The following GALNT13 variants were observed in gnomAD, a reference collection of about 807,000 sequenced individuals.
GALNT13 encodes polypeptide N-acetylgalactosaminyltransferase 13, also known as UDP-GalNAc:polypeptide N-acetylgalactosaminyltransferase 13.
GALNT13 carries 28 observed loss-of-function variants against 64.2 expected under a neutral mutation model. The observed-to-expected ratio is 0.44, with a 90% confidence interval of 0.32 to 0.60. The LOEUF (loss-of-function observed/expected upper bound fraction) is 0.60, where lower values mean the gene tolerates loss of function less well. Among genes scored for constraint, GALNT13 ranks in the 20% least tolerant of loss-of-function variants. The pLI is 0.05. For missense variants in GALNT13, 577 were observed against 669.8 expected, an observed-to-expected ratio of 0.86 and a Z score of 1.53; for synonymous variants, 214 against 224.6, an observed-to-expected ratio of 0.95 and a Z score of 0.42.
the GALNT13 span, among the ~76,000 whole-genome samples, chr2:153,072,247 T>C: frequency 6.6e-6 from 1 of 152,130 alleles, no homozygotes; most frequent in Non-Finnish European, 1.5e-5. Context: ...CCAAAATAAC[T>C]CTTACCTACC....
chr2:153,519,947 A>C, the GALNT13 span, among the ~76,000 whole-genome samples: 1 of 152,128 alleles, frequency 6.6e-6, no homozygotes, highest in Non-Finnish European at 1.5e-5. Flanking sequence ...TGGCCTGAAG[A>C]TCTTCGTTTT....
At chr2:153,839,198 A>G in the GALNT13 span, among the ~76,000 whole-genome samples, 1 of 151,904 alleles carries the variant, frequency 6.6e-6, no homozygotes. Flanking sequence ...TATAAAAATC[A>G]TGTCATGAGC....
chr2:153,995,359 A>G (rs1695452098), intron 3 of GALNT13, among the ~76,000 whole-genome samples: 1 of 152,166 alleles, frequency 6.6e-6, no homozygotes, highest in Non-Finnish European at 1.5e-5. Context: ...GTGCTGTGTT[A>G]TACATAAAAA....
the GALNT13 span, among the ~76,000 whole-genome samples, chr2:153,237,020 CT>C: frequency 2.0e-5 from 3 of 151,976 alleles, no homozygotes; most frequent in Admixed American, 6.6e-5. Flanking sequence ...TCATTGAAAA[CT>C]TCAGGAGTTT....
chr2:154,400,660 A>G (rs1164644996), intron 10 of GALNT13, among the ~76,000 whole-genome samples: 1 of 152,208 alleles, frequency 6.6e-6, no homozygotes, highest in African/African-American at 2.4e-5. Context: ...TGCAGTTTCC[A>G]ATGGGAAGTT....
the GALNT13 span, among the ~76,000 whole-genome samples, chr2:153,245,726 C>T: frequency 6.6e-6 from 1 of 151,660 alleles, no homozygotes; most frequent in Non-Finnish European, 1.5e-5. Flanking sequence ...TTCCAAAAAC[C>T]AGAATGCCTC....
the GALNT13 span, among the ~76,000 whole-genome samples, chr2:153,251,461 CT>C: frequency 5.3e-5 from 8 of 151,224 alleles, no homozygotes; most frequent in South Asian, 2.1e-4. Context: ...AACAGGTACT[CT>C]TTTTTTTTAA....
chr2:153,726,939 C>CAAAAAAA, the GALNT13 span, among the ~76,000 whole-genome samples: 1 of 50,964 alleles, frequency 2.0e-5, no homozygotes, highest in Non-Finnish European at 4.3e-5. Context: ...GACTCCATCT[C>CAAAAAAA]AAAAAAAAAA....
At chr2:153,532,189 T>G in the GALNT13 span, among the ~76,000 whole-genome samples, 4 of 152,134 alleles carry the variant, frequency 2.6e-5, no homozygotes. Context: ...TGCATGGACA[T>G]CCAGGATTTT....
the GALNT13 span, among the ~76,000 whole-genome samples, chr2:153,612,418 C>G: frequency 2.0e-5 from 3 of 152,062 alleles, no homozygotes; most frequent in South Asian, 6.2e-4. Context: ...GCACTATTTA[C>G]AAGCAGTACA....
the GALNT13 span, among the ~76,000 whole-genome samples, chr2:153,440,460 A>G: frequency 6.6e-6 from 1 of 152,242 alleles, no homozygotes; most frequent in African/African-American, 2.4e-5. Flanking sequence ...CTTTGAGTAT[A>G]TACCCAGTAA....
chr2:153,906,954 G>A (rs1217985330), intron 2 of GALNT13, among the ~76,000 whole-genome samples: 18 of 151,738 alleles, frequency 1.2e-4, no homozygotes, highest in Admixed American at 2.0e-4. Context: ...GGTGTGAGAT[G>A]GTATCTCATT....
At chr2:153,403,445 G>C in the GALNT13 span, among the ~76,000 whole-genome samples, 1 of 152,150 alleles carries the variant, frequency 6.6e-6, no homozygotes, top group African/African-American at 2.4e-5. Context: ...TTGAGCTGTG[G>C]TGGGCTCCAC....
chr2:153,294,323 C>T, the GALNT13 span, among the ~76,000 whole-genome samples: 1 of 152,084 alleles, frequency 6.6e-6, no homozygotes, highest in Non-Finnish European at 1.5e-5. Context: ...CAGAGACTCA[C>T]CAACCAGCTG....
At chr2:153,843,232 GGCTTCTAGAAAGGCCTGA>G in the GALNT13 span, among the ~76,000 whole-genome samples, 1 of 152,148 alleles carries the variant, frequency 6.6e-6, no homozygotes, top group Non-Finnish European at 1.5e-5. Context: ...ACATATGCTG[GGCTTCTAGAAAGGCCTGA>G]GGAAGCTTAC....
At chr2:153,327,094 A>T in the GALNT13 span, among the ~76,000 whole-genome samples, 19 of 151,986 alleles carry the variant, frequency 1.3e-4, no homozygotes, top group African/African-American at 4.3e-4. Context: ...AAAAAATAAA[A>T]AAAAAAATAA....
the GALNT13 span, among the ~76,000 whole-genome samples, chr2:153,665,208 T>C: frequency 2.0e-5 from 3 of 152,196 alleles, no homozygotes; most frequent in South Asian, 2.1e-4. Flanking sequence ...CCTGAAGTGC[T>C]TCCTCTTATG....
intron 1 of GALNT13, among the ~76,000 whole-genome samples, chr2:153,874,696 C>G (rs548045952): frequency 1.3e-5 from 2 of 152,086 alleles, no homozygotes; most frequent in Non-Finnish European, 2.9e-5. Flanking sequence ...TCCACCTCCC[C>G]GCTCCTTTTT....
the GALNT13 span, among the ~76,000 whole-genome samples, chr2:153,242,768 C>T: frequency 6.6e-6 from 1 of 152,174 alleles, no homozygotes; most frequent in Non-Finnish European, 1.5e-5. Flanking sequence ...TTGATGCCCA[C>T]ATGGGAGAAC....
Sources: allele counts gnomAD v4.1 joint callset (sites outside exome capture counted in the v4.1 genomes callset), GRCh38; gene constraint gnomAD v4.1.1; transcripts MANE v1.5; gene names NCBI Gene and HGNC (gene_info 2026-07-23, HGNC 2026-07-21).